CIMIP2C: variants seen among roughly 807,000 people sequenced by gnomAD.
CIMIP2C encodes ciliary microtubule inner protein 2C.
At chr2:26,569,556 G>A in the CIMIP2C span, among the ~76,000 whole-genome samples, 1 of 152,208 alleles carries the variant, frequency 6.6e-6, no homozygotes. Flanking sequence ...AGTTAATAAG[G>A]TTGATCATGG....
At chr2:26,573,503 C>G in the CIMIP2C span, among the ~76,000 whole-genome samples, 5 of 144,470 alleles carry the variant, frequency 3.5e-5, no homozygotes, top group Non-Finnish European at 5.9e-5. Context: ...TTGGGTGAAA[C>G]CAGAGCAGGA....
At chr2:26,575,769 C>T in the CIMIP2C span, 3 of 1,094,842 alleles carry the variant, frequency 2.7e-6, no homozygotes, top group Middle Eastern at 2.5e-4. Context: ...GGTGTTCTTC[C>T]CTCCTCAGCT....
chr2:26,574,607 C>A, the CIMIP2C span, among the ~76,000 whole-genome samples: 1 of 152,228 alleles, frequency 6.6e-6, no homozygotes, highest in African/African-American at 2.4e-5. Context: ...TTCATCTGCA[C>A]ACAGGAGGTG....
At chr2:26,563,065 C>A in the CIMIP2C span, 1 of 247,654 alleles carries the variant, frequency 4.0e-6, no homozygotes, top group Non-Finnish European at 7.7e-6. Flanking sequence ...GAAAATCAGG[C>A]CCTTCCGTCC....
At chr2:26,576,666 G>C in the CIMIP2C span, among the ~76,000 whole-genome samples, 1 of 152,160 alleles carries the variant, frequency 6.6e-6, no homozygotes, top group African/African-American at 2.4e-5. Context: ...ACCCCTCCCT[G>C]CCCTGCAGCC....
At chr2:26,575,321 G>T in the CIMIP2C span, among the ~76,000 whole-genome samples, 1 of 152,162 alleles carries the variant, frequency 6.6e-6, no homozygotes, top group Non-Finnish European at 1.5e-5. Context: ...TTCACTGACC[G>T]GGCCCCCCAC....
the CIMIP2C span, among the ~76,000 whole-genome samples, chr2:26,565,568 T>C: frequency 2.6e-5 from 4 of 152,140 alleles, no homozygotes; most frequent in Admixed American, 6.5e-5. Context: ...AGGGAGGGAA[T>C]GGGGTCGACA....
chr2:26,567,740 C>T, the CIMIP2C span, among the ~76,000 whole-genome samples: 1 of 152,182 alleles, frequency 6.6e-6, no homozygotes, highest in East Asian at 1.9e-4. Context: ...ACCCTTTGTG[C>T]CCATTCGTTA....
chr2:26,569,058 C>A, the CIMIP2C span, among the ~76,000 whole-genome samples: 1 of 150,570 alleles, frequency 6.6e-6, no homozygotes, highest in East Asian at 1.9e-4. Flanking sequence ...ACAATATGAA[C>A]TGAGACATAG....
the CIMIP2C span, chr2:26,576,317 G>A: frequency 2.8e-6 from 3 of 1,077,718 alleles, no homozygotes; most frequent in Non-Finnish European, 3.9e-6. Context: ...CCCTGAGCCA[G>A]CAGAGAGCAT....
chr2:26,574,580 G>T, the CIMIP2C span, among the ~76,000 whole-genome samples: 4 of 152,246 alleles, frequency 2.6e-5, no homozygotes, highest in African/African-American at 9.6e-5. Context: ...ACTCCCAGGC[G>T]GGAGCTGTGG....
the CIMIP2C span, among the ~76,000 whole-genome samples, chr2:26,574,979 G>C: frequency 2.0e-5 from 3 of 152,242 alleles, no homozygotes; most frequent in Non-Finnish European, 4.4e-5. Context: ...TTCCGCATTG[G>C]CCGCGAGTCT....
the CIMIP2C span, chr2:26,578,543 G>A: frequency 4.3e-5 from 12 of 280,542 alleles, no homozygotes; most frequent in South Asian, 3.8e-4. Context: ...CTTGTGCTGC[G>A]TGGCCTGGAT....
the CIMIP2C span, chr2:26,577,913 G>A: frequency 1.4e-5 from 6 of 422,186 alleles, no homozygotes; most frequent in Middle Eastern, 6.0e-4. Context: ...CTGAATCTGC[G>A]GACTGATGCC....
the CIMIP2C span, chr2:26,577,781 G>C: frequency 1.7e-6 from 1 of 592,296 alleles, no homozygotes; most frequent in East Asian, 3.1e-5. Flanking sequence ...TACAGAGCAA[G>C]GGGGTCAGGG....
At chr2:26,575,226 C>T in the CIMIP2C span, among the ~76,000 whole-genome samples, 35 of 152,326 alleles carry the variant, frequency 2.3e-4, no homozygotes, top group African/African-American at 7.2e-4. Flanking sequence ...GTCTGAGTAG[C>T]GTGTTGGGAG....
At chr2:26,567,243 G>A in the CIMIP2C span, among the ~76,000 whole-genome samples, 1 of 152,206 alleles carries the variant, frequency 6.6e-6, no homozygotes, top group East Asian at 1.9e-4. Context: ...ACCAGGTGGA[G>A]ATAATTGAAT....
the CIMIP2C span, chr2:26,579,514 T>C: frequency 6.5e-7 from 1 of 1,539,670 alleles, no homozygotes; most frequent in Middle Eastern, 1.8e-4. Flanking sequence ...GAATAAAATC[T>C]TTAGCCATGA....
the CIMIP2C span, among the ~76,000 whole-genome samples, chr2:26,565,029 TCTTCTCCTTCTCCTTCTC>T: frequency 6.6e-6 from 1 of 150,752 alleles, no homozygotes. Context: ...TTCTTCTTCT[TCTTCTCCTTCTCCTTCTC>T]CTTCTCCTTC....
Sources: allele counts gnomAD v4.1 joint callset (sites outside exome capture counted in the v4.1 genomes callset), GRCh38; gene constraint gnomAD v4.1.1; transcripts MANE v1.5; gene names NCBI Gene and HGNC (gene_info 2026-07-23, HGNC 2026-07-21).